ABLIM2: variants seen among roughly 807,000 people sequenced by gnomAD.
The protein encoded by ABLIM2 is actin binding LIM protein family member 2.
In ABLIM2, 53 loss-of-function variants were observed where a neutral mutation model predicts 97.7. The ratio of observed to expected loss-of-function variants is 0.54; its 90% CI spans 0.44 to 0.68. ABLIM2 has a LOEUF of 0.68. Ranked by LOEUF, ABLIM2 falls within the 30% of genes least tolerant of loss-of-function variation. The pLI is 0.00. For missense variants in ABLIM2, 835 were observed against 867.2 expected, an observed-to-expected ratio of 0.96 and a Z score of 0.47; for synonymous variants, 361 against 345.8, an observed-to-expected ratio of 1.04 and a Z score of -0.49.
intron 1 of ABLIM2, among the ~76,000 whole-genome samples, chr4:8,139,210 C>CGGAAAAG (rs199736583): frequency 7.4e-5 from 9 of 121,534 alleles, no homozygotes; most frequent in South Asian, 2.6e-4. Flanking sequence ...AAAGAGAAAA[C>CGGAAAAG]GGAAAAGGGA....
intron 2 of ABLIM2, among the ~76,000 whole-genome samples, chr4:8,100,413 G>C (rs1156550537): frequency 6.6e-6 from 1 of 152,182 alleles, no homozygotes; most frequent in Non-Finnish European, 1.5e-5. Flanking sequence ...GTGTAAAATA[G>C]AGTTAGCAAT....
rs552976102 is a variant in ABLIM2, at chr4:8,154,764, C to T, written c.10+3916G>A. Among the ~76,000 whole-genome samples, 94 of 152,272 alleles carry T rather than the reference C, an allele frequency of 6.2e-4. 2 individuals carry two copies. Among genetic ancestry groups the T allele is most frequent in the African/African-American group, 5.8e-4 (24 of 41,556 alleles). The stretch of plus-strand genomic sequence containing the variant: ...TGCTGAATCCCAGGGCCTGGAGCAG[C>T]GTGGGCTCACGTATTAGTCTGTTCT... On this transcript the variant is annotated intron_variant, in intron 1 of 20. Transcript: ENST00000447017.
chr4:8,029,772 TC>T lies in ABLIM2; in HGVS notation c.1051del (p.Asp351IlefsTer43). 1.3e-6 allele frequency: 2 copies of T among 1,570,228 alleles called. No individual in the cohort carries two copies. Among genetic ancestry groups the T allele is most frequent in the East Asian group, 2.4e-5 (1 of 42,302 alleles). ...AGDRQSYGEG[D>X]QDDRSYKQCR... ...CTGCTTGTAGGACCGGTCATCCTGA[TC>T]CCCCTGGGAGGGAAGATGCAGCTTG... On this transcript the variant is annotated frameshift_variant, in exon 11 of 21. Transcript: ENST00000447017. LOFTEE classifies it high-confidence loss of function.
chr4:8,111,443 T>G (rs937840663), intron 1 of ABLIM2, among the ~76,000 whole-genome samples: 6 of 152,170 alleles, frequency 3.9e-5, no homozygotes, highest in Admixed American at 2.6e-4. Flanking sequence ...CCTATAACAC[T>G]AAGAGTGGCC....
chr4:8,139,080 C>A (rs1004135892), intron 1 of ABLIM2, among the ~76,000 whole-genome samples: 1 of 152,198 alleles, frequency 6.6e-6, no homozygotes, highest in Non-Finnish European at 1.5e-5. Context: ...CTTGTAATCC[C>A]AGCTCCTTGG....
rs954298814 is a variant in ABLIM2, at chr4:8,149,882, C to T, written c.10+8798G>A. Among the ~76,000 whole-genome samples the T allele has an allele frequency of 8.5e-5, 13 of 152,198 alleles. No individual in the cohort carries two copies. The highest frequency in any genetic ancestry group is 2.4e-4 in the African/African-American group (10 of 41,532). ...CCACACAGCCGGTCCCTCTGTGGGACGATTCAGAGGCTCCCAGTGGGACTG... is the reference window on the plus strand; with the variant it reads ...CCACACAGCCGGTCCCTCTGTGGGATGATTCAGAGGCTCCCAGTGGGACTG... On this transcript the variant is annotated intron_variant, in intron 1 of 20. Transcript: ENST00000447017. The surrounding 1 kb of genome is among the most constrained non-coding windows in gnomAD (Gnocchi z 6.4).
intron 16 of ABLIM2, 94 bp downstream of exon 16, chr4:8,007,965 C>T: frequency 3.2e-6 from 5 of 1,543,364 alleles, no homozygotes; most frequent in Non-Finnish European, 4.4e-6. Context: ...ACAGGCAAGG[C>T]TTAGATGTAG....
chr4:8,059,906 CAAAAAAAAAAA>C (rs201148410), intron 7 of ABLIM2, among the ~76,000 whole-genome samples: 31,492 of 124,134 alleles, frequency 0.25, 3,842 homozygotes, highest in East Asian at 0.57. Flanking sequence ...GACTCTGTTT[CAAAAAAAAAAA>C]AAAAAAAAAA....
chr4:8,087,657 G>A lies in ABLIM2; in HGVS notation c.454+512C>T, dbSNP rs533526609. 6.6e-6 allele frequency among the ~76,000 whole-genome samples: 1 copy of A among 152,164 alleles called. No homozygotes were observed. The highest frequency in any genetic ancestry group is 2.1e-4 in the South Asian group (1 of 4,818). On this transcript the variant is annotated intron_variant, in intron 4 of 20. Transcript: ENST00000447017. The surrounding 1 kb of genome is among the most constrained non-coding windows in gnomAD (Gnocchi z 4.6). The stretch of plus-strand genomic sequence containing the variant: ...TTCCTGGAGGAGGTATGCTAGAGCT[G>A]GGCAAAAGCAGCAGTGGACATTAGA...
At chr4:8,081,576 G>A (rs916307728) in intron 4 of ABLIM2, among the ~76,000 whole-genome samples, 2 of 152,258 alleles carry the variant, frequency 1.3e-5, no homozygotes, top group African/African-American at 2.4e-5. Flanking sequence ...TGGTGCACGA[G>A]CCTGAGCGGG....
chr4:7,995,345 G>T (rs954466300), intron 16 of ABLIM2, among the ~76,000 whole-genome samples: 1 of 152,180 alleles, frequency 6.6e-6, no homozygotes, highest in Non-Finnish European at 1.5e-5. Context: ...TTCACTCATG[G>T]GAGCTTCCAA....
chr4:8,089,263 C>T (rs988433342), intron 3 of ABLIM2, among the ~76,000 whole-genome samples: 2 of 152,158 alleles, frequency 1.3e-5, no homozygotes, highest in African/African-American at 2.4e-5. Context: ...GCCAGGCCAC[C>T]TGCAGACAGG....
rs559731940 is a variant in ABLIM2 at position 8,003,369 on chromosome 4, T to G, written c.1618+4690A>C. 3.7e-4 allele frequency among the ~76,000 whole-genome samples: 56 copies of G among 151,862 alleles called. No individual in the cohort carries two copies. The highest frequency in any genetic ancestry group is 1.3e-3 in the African/African-American group (53 of 41,382). ...CATTCGCTGAATGCTGTACTGAGAGTGAGAAACAGAATGGGTGTGTGGATA... is the reference window on the plus strand; with the variant it reads ...CATTCGCTGAATGCTGTACTGAGAGGGAGAAACAGAATGGGTGTGTGGATA... On this transcript the variant is annotated intron_variant, in intron 16 of 20. Transcript: ENST00000447017. The surrounding 1 kb of genome is among the most constrained non-coding windows in gnomAD (Gnocchi z 4.2).
At chr4:8,105,369 A>C (rs909830882) in intron 2 of ABLIM2, among the ~76,000 whole-genome samples, 1 of 152,234 alleles carries the variant, frequency 6.6e-6, no homozygotes, top group African/African-American at 2.4e-5. Flanking sequence ...GCAGACAGCG[A>C]ATGTGTCCAT....
intron 8 of ABLIM2, among the ~76,000 whole-genome samples, chr4:8,050,266 G>T (rs1795116100): frequency 6.6e-6 from 1 of 152,194 alleles, no homozygotes; most frequent in Non-Finnish European, 1.5e-5. Context: ...GTATTTTACA[G>T]TTTCACTCTT....
chr4:8,142,791 C>T (rs1302038470), intron 1 of ABLIM2, among the ~76,000 whole-genome samples: 2 of 152,206 alleles, frequency 1.3e-5, no homozygotes, highest in African/African-American at 4.8e-5. Flanking sequence ...ACCAATTGTC[C>T]CCTCTCTGGA....
intron 12 of ABLIM2, among the ~76,000 whole-genome samples, chr4:8,026,437 T>A (rs1777373922): frequency 6.6e-6 from 1 of 152,200 alleles, no homozygotes; most frequent in South Asian, 2.1e-4. Context: ...AAAGCAATGA[T>A]GATGAGGTAC....
chr4:8,140,421 C>G lies in ABLIM2; in HGVS notation c.10+18259G>C, dbSNP rs151170582. ...GGGATTTCATGCCAGGCAGGAACTT[C>G]GTGAAACAGTGCCAGAGGAGGACCG... On this transcript the variant is annotated intron_variant, in intron 1 of 20. Coordinates refer to ENST00000447017, the MANE Select transcript of ABLIM2 (RefSeq NM_001130083.2). This position sits in a 1 kb window ranked among gnomAD's most constrained non-coding sequence, Gnocchi z 5.9. Among the ~76,000 whole-genome samples, 1 of 151,900 alleles carries G rather than the reference C, an allele frequency of 6.6e-6. No individual in the cohort carries two copies. The highest frequency in any genetic ancestry group is 1.5e-5 in the Non-Finnish European group (1 of 67,990).
At chr4:8,078,611 G>A (rs529153963) in intron 5 of ABLIM2, among the ~76,000 whole-genome samples, 52 of 152,360 alleles carry the variant, frequency 3.4e-4, no homozygotes, top group Admixed American at 8.5e-4. Context: ...GGCCACACTC[G>A]GTGTGGGGAG....
Sources: allele counts gnomAD v4.1 joint callset (sites outside exome capture counted in the v4.1 genomes callset), GRCh38; gene constraint gnomAD v4.1.1; non-coding constraint Gnocchi (gnomAD v3.1); transcripts MANE v1.5; gene names NCBI Gene and HGNC (gene_info 2026-07-23, HGNC 2026-07-21).